OR10G3: variants seen among roughly 807,000 people sequenced by gnomAD.
OR10G3 encodes the protein olfactory receptor 10G3.
A neutral mutation model predicts 13.4 loss-of-function variants in OR10G3; 8 were observed. The observed-to-expected ratio is 0.60, with a 90% CI of 0.35 to 1.08. The LOEUF (loss-of-function observed/expected upper bound fraction) is 1.08. Among genes scored for constraint, OR10G3 ranks in the 50% least tolerant of loss-of-function variants. The pLI is 0.02. For missense variants in OR10G3, 393 were observed against 386.6 expected (o/e 1.02, Z -0.14); for synonymous variants, 142 against 156.1 (o/e 0.91, Z 0.67).
chr14:21,569,615 C>G lies in OR10G3; in HGVS notation c.*188G>C. On this transcript the variant is annotated 3_prime_UTR_variant, in exon 2 of 2. Coordinates refer to ENST00000641040, the MANE Select transcript of OR10G3 (RefSeq NM_001005465.2). The stretch of plus-strand genomic sequence containing the variant: ...GTCTCATTCTCTACTCTTGCAGTGG[C>G]TGAGAGTTATCTTGAGAGGATACTA... 1 of 576,562 alleles carries G rather than the reference C, an allele frequency of 1.7e-6. No homozygotes were observed. Among genetic ancestry groups the G allele is most frequent in the Non-Finnish European group, 3.0e-6 (1 of 330,572 alleles). 35.7% of individuals were successfully genotyped at this position (576,562 alleles called of 1,614,324 possible).
chr14:21,570,914 T>G (rs1434646096), intron 1 of OR10G3, among the ~76,000 whole-genome samples, 153 bp from the exon 2 acceptor site: 2 of 152,234 alleles, frequency 1.3e-5, no homozygotes, highest in African/African-American at 2.4e-5. Context: ...CTCTGGCAGG[T>G]GTTTTGTAAA....
rs1189045218 is a variant in OR10G3, at chr14:21,579,938, T to C, written c.-170A>G. ...ACCCAACTAATTACTTTTGGCTGGA[T>C]CAAAGTAAAGAGTCAAACTATGGAA... On this transcript the variant is annotated 5_prime_UTR_variant, in exon 1 of 2. Transcript: ENST00000641040. 1.3e-5 allele frequency: 2 copies of C among 152,218 alleles called. No homozygotes were observed. The highest frequency in any genetic ancestry group is 2.4e-5 in the African/African-American group (1 of 41,458). The allele number at this position is 152,218 out of a possible 1,614,324, so 9.4% of individuals were successfully genotyped here.
intron 1 of OR10G3, among the ~76,000 whole-genome samples, chr14:21,572,285 C>CTAAAAAAA (rs1893078648): frequency 7.9e-5 from 1 of 12,678 alleles, no homozygotes; most frequent in Non-Finnish European, 1.3e-4. Flanking sequence ...AACTCCATCT[C>CTAAAAAAA]AAAAAAAAAA....
At chr14:21,571,716 A>G (rs1006260725) in intron 1 of OR10G3, among the ~76,000 whole-genome samples, 2 of 151,712 alleles carry the variant, frequency 1.3e-5, no homozygotes, top group African/African-American at 4.8e-5. Context: ...TCTCTGTCAC[A>G]CAGCCTGGAG....
chr14:21,575,409 C>T lies in OR10G3; in HGVS notation c.-18+4377G>A, dbSNP rs1370791806. ...AGTCTTTTTTTTTTTGAGATGGAGT[C>T]TTGCTCTGTCACCCAGGCTGGAGGG... On this transcript the variant is annotated intron_variant, in intron 1 of 1. Coordinates refer to ENST00000641040, the MANE Select transcript of OR10G3 (RefSeq NM_001005465.2). 2.8e-5 allele frequency among the ~76,000 whole-genome samples: 4 copies of T among 140,964 alleles called. No homozygotes were observed. In the East Asian group the frequency reaches 6.7e-4, roughly 23 times the overall value. The allele number at this position is 140,964 out of a possible 152,430, so 92.5% of individuals were successfully genotyped here.
chr14:21,573,042 A>C (rs1893088969), intron 1 of OR10G3, among the ~76,000 whole-genome samples: 1 of 152,198 alleles, frequency 6.6e-6, no homozygotes, highest in Admixed American at 6.6e-5. Flanking sequence ...GCTCAAAATG[A>C]ATTAAAGACT....
intron 1 of OR10G3, among the ~76,000 whole-genome samples, chr14:21,578,241 T>C (rs1220028503): frequency 1.3e-5 from 2 of 151,378 alleles, no homozygotes; most frequent in Non-Finnish European, 2.9e-5. Context: ...TGAAACCTCG[T>C]CTCTACTAAA....
rs773526245 is a variant in OR10G3 at position 21,569,787 on chromosome 14, TG to T, written c.*15del. On this transcript the variant is annotated 3_prime_UTR_variant, in exon 2 of 2. Transcript: ENST00000641040. ...ATTCTAATTGTGGCAGCTTCCCTAG[TG>T]GGAGAAAGACACTTTCAAACCTCAC... 8 of 1,596,638 alleles carry T rather than the reference TG, an allele frequency of 5.0e-6. No homozygotes were observed. Among genetic ancestry groups the T allele is most frequent in the Non-Finnish European group, 6.0e-6 (7 of 1,168,472 alleles).
intron 1 of OR10G3, among the ~76,000 whole-genome samples, chr14:21,571,700 G>C (rs992983858): frequency 6.6e-6 from 1 of 151,080 alleles, no homozygotes; most frequent in Non-Finnish European, 1.5e-5. Context: ...TTTTGAGACA[G>C]AGTTCTCTCT....
chr14:21,569,797 A>G lies in OR10G3; in HGVS notation c.*6T>C. The G allele has an allele frequency of 4.3e-6, 7 of 1,609,610 alleles. No homozygotes were observed. The highest frequency in any genetic ancestry group is 5.9e-6 in the Non-Finnish European group (7 of 1,177,408). ...TGGCAGCTTCCCTAGTGGGAGAAAGACACTTTCAAACCTCACTCGGAGTTC... is the reference window on the plus strand; with the variant it reads ...TGGCAGCTTCCCTAGTGGGAGAAAGGCACTTTCAAACCTCACTCGGAGTTC... On this transcript the variant is annotated 3_prime_UTR_variant, in exon 2 of 2. Coordinates refer to ENST00000641040, the MANE Select transcript of OR10G3 (RefSeq NM_001005465.2).
rs781279508 is a variant in OR10G3 at position 21,570,273 on chromosome 14, C to A, written c.472G>T (p.Ala158Ser). The change falls in exon 2 of 2, where the codon GCT (alanine) becomes TCT (serine). Residue 158 changes from alanine (A) to serine (S), a missense_variant. Ala to Ser is a moderately conservative substitution (Grantham distance 99). Transcript: ENST00000641040. ...CGGAAGGTTAGGATGGCCTGGAGAGCCCCATGGATGGATCCTGCCATCCAG... is the reference window on the plus strand; with the variant it reads ...CGGAAGGTTAGGATGGCCTGGAGAGACCCATGGATGGATCCTGCCATCCAG... ...GAWMAGSIHG[A>S]LQAILTFRLP... 1 of 1,614,060 alleles carries A rather than the reference C, an allele frequency of 6.2e-7. No homozygotes were observed. The highest frequency in any genetic ancestry group is 8.5e-7 in the Non-Finnish European group (1 of 1,180,032).
At chr14:21,573,217 A>G (rs1893091092) in intron 1 of OR10G3, among the ~76,000 whole-genome samples, 1 of 152,210 alleles carries the variant, frequency 6.6e-6, no homozygotes, top group Non-Finnish European at 1.5e-5. Flanking sequence ...AAGACATTAT[A>G]TTAAGCAAAA....
rs145833378 is a variant in OR10G3, at chr14:21,569,901, G to C, written c.844C>G (p.Pro282Ala). The part of the protein sequence containing the change: ...AAALVPTAIT[P>A]FLNPLIYTLR... ...GTGTAGATAAGGGGGTTGAGGAAAG[G>C]AGTGATGGCCGTGGGGACTAGGGCA... is the stretch of plus-strand genomic sequence containing the variant. The change falls in exon 2 of 2, where the codon CCT becomes GCT. Residue 282 changes from proline to alanine, a missense_variant. Pro to Ala is a conservative substitution (Grantham distance 27). Coordinates refer to ENST00000641040, the MANE Select transcript of OR10G3 (RefSeq NM_001005465.2). The C allele has an allele frequency of 4.4e-5, 71 of 1,596,366 alleles. No individual in the cohort carries two copies. The highest frequency in any genetic ancestry group is 1.5e-4 in the Admixed American group (9 of 58,712).
At chr14:21,577,730 C>CGG (rs972739903) in intron 1 of OR10G3, among the ~76,000 whole-genome samples, 3 of 152,200 alleles carry the variant, frequency 2.0e-5, no homozygotes, top group African/African-American at 7.2e-5. Context: ...CGAGGGAGGC[C>CGG]GGGCGCGGTG....
chr14:21,569,847 G>C lies in OR10G3; in HGVS notation c.898C>G (p.Leu300Val). Residue 300 changes from leucine (L) to valine (V), a missense_variant, in exon 2 of 2, where the codon CTG becomes GTG. Leu to Val is a conservative substitution (Grantham distance 32). Coordinates refer to ENST00000641040, the MANE Select transcript of OR10G3 (RefSeq NM_001005465.2). ...CTTGGGCTTCTGAGCATTCTTTTCA[G>C]GGCCAGCTTCACCTCTTGGTTCCGC... ...TLRNQEVKLA[L>V]KRMLRSPRTP... 6.2e-7 allele frequency: 1 copy of C among 1,614,174 alleles called. No homozygotes were observed. Among genetic ancestry groups the C allele is most frequent in the Non-Finnish European group, 8.5e-7 (1 of 1,180,030 alleles).
chr14:21,572,980 A>C (rs1388282121), intron 1 of OR10G3, among the ~76,000 whole-genome samples: 1 of 152,202 alleles, frequency 6.6e-6, no homozygotes, highest in Admixed American at 6.5e-5. Flanking sequence ...CTGGATATCC[A>C]TATGCAAAAG....
At chr14:21,574,031 C>T (rs535416377) in intron 1 of OR10G3, among the ~76,000 whole-genome samples, 5 of 152,178 alleles carry the variant, frequency 3.3e-5, no homozygotes, top group South Asian at 2.1e-4. Flanking sequence ...TGGCTGGGCG[C>T]GGTGGCTGAC....
rs1750532546 is a variant in OR10G3 at position 21,569,367 on chromosome 14, C to T, written c.*436G>A. Reference sequence around the variant, plus strand: ...TTCAAATGTTAATCTCTTTTGGCAACACCCTCACAGGCACACCCAGGATCA... The same window carrying T: ...TTCAAATGTTAATCTCTTTTGGCAATACCCTCACAGGCACACCCAGGATCA... On this transcript the variant is annotated 3_prime_UTR_variant, in exon 2 of 2. Transcript: ENST00000641040. 1 of 159,734 alleles carries T rather than the reference C, an allele frequency of 6.3e-6. No individual in the cohort carries two copies. The highest frequency in any genetic ancestry group is 1.4e-5 in the Non-Finnish European group (1 of 72,604). The allele number at this position is 159,734 out of a possible 1,614,324, so 9.9% of individuals were successfully genotyped here. A position where few individuals can be genotyped will look rare whatever the true frequency, so the allele number is the denominator to read the frequency against.
chr14:21,571,765 C>T (rs1893072021), intron 1 of OR10G3, among the ~76,000 whole-genome samples: 1 of 152,020 alleles, frequency 6.6e-6, no homozygotes, highest in African/African-American at 2.4e-5. Flanking sequence ...ACCTCTGCCT[C>T]TCAGGTTTAA....
Sources: gnomAD v4.1 joint callset for allele counts (sites outside exome capture counted in the v4.1 genomes callset) on GRCh38, gnomAD v4.1.1 for gene constraint, MANE v1.5 for transcripts, NCBI Gene and HGNC (gene_info 2026-07-23, HGNC 2026-07-21) for gene names.